Variants in SGCZ observed in about 807,000 individuals in gnomAD.
SGCZ encodes sarcoglycan zeta, also known as zeta-sarcoglycan.
In SGCZ, 40 loss-of-function variants were observed where a neutral mutation model predicts 41.3. The observed-to-expected ratio is 0.97, with a 90% CI of 0.75 to 1.26. The LOEUF is 1.26. SGCZ is among the 50% of genes most tolerant of loss of function. The pLI, the probability that SGCZ is intolerant of heterozygous loss-of-function variation, is 0.00. For synonymous variants in SGCZ, 206 were observed against 137.5 expected (o/e 1.50, Z -3.49); for missense variants, 552 against 369.8 (o/e 1.49, Z -4.04).
chr8:14,309,512 G>C, intron 3 of SGCZ: 2 of 1,609,320 alleles, frequency 1.2e-6, no homozygotes, highest in East Asian at 2.2e-5. Context: ...TAAGAGAGCA[G>C]TGTGGACTAC....
chr8:15,193,109 C>T (rs1563176276), intron 1 of SGCZ, among the ~76,000 whole-genome samples: 1 of 151,974 alleles, frequency 6.6e-6, no homozygotes, highest in Non-Finnish European at 1.5e-5. Context: ...AGGTAAGCAC[C>T]ATAGAAACAC....
chr8:14,346,991 A>G (rs969414996), intron 2 of SGCZ, among the ~76,000 whole-genome samples: 6 of 152,058 alleles, frequency 3.9e-5, no homozygotes, highest in Non-Finnish European at 8.8e-5. Context: ...AATTTTCATA[A>G]TAAAATGCTT....
At chr8:14,264,308 G>A (rs1799785292) in intron 3 of SGCZ, among the ~76,000 whole-genome samples, 1 of 152,130 alleles carries the variant, frequency 6.6e-6, no homozygotes, top group African/African-American at 2.4e-5. Context: ...AGAAAACATA[G>A]CCTTGGAGAC....
intron 1 of SGCZ, among the ~76,000 whole-genome samples, chr8:14,595,174 T>C (rs1308863053): frequency 6.6e-6 from 1 of 152,184 alleles, no homozygotes; most frequent in East Asian, 1.9e-4. Flanking sequence ...CCCCCTAGAC[T>C]ATTTTTCTCC....
intron 1 of SGCZ, among the ~76,000 whole-genome samples, chr8:14,574,297 A>G (rs1804644805): frequency 6.6e-6 from 1 of 151,916 alleles, no homozygotes; most frequent in South Asian, 2.1e-4. Context: ...TGCCACCCTT[A>G]TTCTCCCCTT....
At chr8:14,364,481 T>C (rs1258124273) in intron 2 of SGCZ, among the ~76,000 whole-genome samples, 5 of 152,164 alleles carry the variant, frequency 3.3e-5, no homozygotes, top group South Asian at 2.1e-4. Flanking sequence ...CAGCAATGCA[T>C]TGAGGATTTT....
At chr8:14,142,470 TA>T (rs2116928246) in intron 5 of SGCZ, among the ~76,000 whole-genome samples, 1 of 152,206 alleles carries the variant, frequency 6.6e-6, no homozygotes, top group Non-Finnish European at 1.5e-5. Flanking sequence ...ATTTGATTAC[TA>T]AGATCCCATT....
chr8:14,873,630 T>C (rs1448592940), intron 1 of SGCZ, among the ~76,000 whole-genome samples: 1 of 152,096 alleles, frequency 6.6e-6, no homozygotes, highest in Non-Finnish European at 1.5e-5. Context: ...ACAGAGTATC[T>C]ACAATCAACC....
intron 2 of SGCZ, among the ~76,000 whole-genome samples, chr8:14,329,482 T>C (rs1168364484): frequency 6.6e-6 from 1 of 152,202 alleles, no homozygotes; most frequent in African/African-American, 2.4e-5. Flanking sequence ...TTATTTCTTC[T>C]TTTTCATTTC....
chr8:14,134,168 CAT>C (rs1007939560), intron 5 of SGCZ, among the ~76,000 whole-genome samples: 4 of 152,154 alleles, frequency 2.6e-5, no homozygotes, highest in African/African-American at 4.8e-5. Context: ...CATTTTCAAA[CAT>C]ATTCTTGACA....
chr8:14,292,672 G>T (rs1800881354), intron 3 of SGCZ, among the ~76,000 whole-genome samples: 1 of 151,980 alleles, frequency 6.6e-6, no homozygotes, highest in African/African-American at 2.4e-5. Context: ...TCTCACTAAA[G>T]TCAAATTCTG....
At chr8:14,955,856 T>C (rs915091981) in intron 1 of SGCZ, among the ~76,000 whole-genome samples, 14 of 152,272 alleles carry the variant, frequency 9.2e-5, no homozygotes, top group African/African-American at 3.1e-4. Flanking sequence ...AGTTGTCTTC[T>C]CACTTCTTAT....
intron 5 of SGCZ, among the ~76,000 whole-genome samples, chr8:14,143,202 C>T (rs949210954): frequency 6.6e-6 from 1 of 152,074 alleles, no homozygotes; most frequent in Non-Finnish European, 1.5e-5. Context: ...AAACCTATAG[C>T]AAACATTGTA....
intron 1 of SGCZ, among the ~76,000 whole-genome samples, chr8:15,064,933 A>T (rs1013513068): frequency 3.3e-5 from 5 of 152,144 alleles, no homozygotes; most frequent in African/African-American, 4.8e-5. Context: ...ACTTGACATC[A>T]GTTGCGGTTT....
intron 1 of SGCZ, among the ~76,000 whole-genome samples, chr8:14,909,970 G>T (rs1464088373): frequency 6.6e-6 from 1 of 152,036 alleles, no homozygotes; most frequent in East Asian, 1.9e-4. Flanking sequence ...TCCCATAAGA[G>T]AACTTTTCAG....
intron 2 of SGCZ, among the ~76,000 whole-genome samples, chr8:14,327,115 A>G (rs1422071924): frequency 6.6e-6 from 1 of 152,226 alleles, no homozygotes; most frequent in East Asian, 1.9e-4. Context: ...AAATGGTGAT[A>G]AACTAATGAT....
chr8:14,899,033 T>C (rs1316731617), intron 1 of SGCZ, among the ~76,000 whole-genome samples: 3 of 152,196 alleles, frequency 2.0e-5, no homozygotes, highest in African/African-American at 7.2e-5. Flanking sequence ...TTTACCGTGT[T>C]AGAGTTTCAC....
chr8:14,812,709 A>G (rs1038994665), intron 1 of SGCZ, among the ~76,000 whole-genome samples: 1 of 152,176 alleles, frequency 6.6e-6, no homozygotes. Context: ...TCTGGAGACA[A>G]TCAGACGGTT....
chr8:14,462,620 G>C (rs1800933565), intron 2 of SGCZ, among the ~76,000 whole-genome samples: 1 of 151,924 alleles, frequency 6.6e-6, no homozygotes, highest in Non-Finnish European at 1.5e-5. Context: ...GATTACTGTA[G>C]CTTTAAAGTA....
Sources: allele counts gnomAD v4.1 joint callset (sites outside exome capture counted in the v4.1 genomes callset), GRCh38; gene constraint gnomAD v4.1.1; transcripts MANE v1.5; gene names NCBI Gene and HGNC (gene_info 2026-07-23, HGNC 2026-07-21).